GTF2H4: variants seen among roughly 807,000 people sequenced by gnomAD.
GTF2H4 encodes BTF2 p52.
Under a neutral mutation model 62.2 loss-of-function variants are expected in GTF2H4, and 49 were observed. The ratio of observed to expected loss-of-function variants is 0.79; its 90% CI spans 0.63 to 1.00. The LOEUF is 1.00. Among genes scored for constraint, GTF2H4 ranks in the 50% least tolerant of loss-of-function variants. The probability of loss-of-function intolerance (pLI) is 0.00; values close to 1 mark genes in which losing one functional copy is unlikely to be tolerated. For missense variants in GTF2H4, 479 were observed against 587.8 expected (o/e 0.81, Z 1.91); for synonymous variants, 189 against 233.8 (o/e 0.81, Z 1.75).
Position 30,910,684 on chromosome 6 carries a change from G to A in GTF2H4, c.394G>A (p.Asp132Asn). ...CCGTAGGGGGAAGGCCTGGTCTGAT[G>A]ACACAAGTCAGCTGGGACCAGACAA... ...LLGGGKAWSD[D>N]TSQLGPDKHA... Residue 132 changes from aspartate (D) to asparagine (N), a missense_variant, in exon 5 of 14, where the codon GAC becomes AAC. By Grantham distance (23) the Asp-to-Asn change is conservative (BLOSUM62 1). Transcript: ENST00000259895. The surrounding 1 kb of genome is among the most constrained non-coding windows in gnomAD (Gnocchi z 4.7). 6.2e-7 allele frequency: 1 copy of A among 1,612,946 alleles called. No homozygotes were observed. Among genetic ancestry groups the A allele is most frequent in the South Asian group, 1.1e-5 (1 of 91,082 alleles).
rs775143911 is a variant in GTF2H4 at position 30,912,428 on chromosome 6, G to A, written c.1059G>A (p.Gln353=). ...AGGTGACCCGGGAGAGTGTGCAGCA[G>A]GCAATCGCCAGTGGCATCACAGCCC... ...VAQVTRESVQ[Q]AIASGITAQQ... is the part of the protein sequence containing the mutation. Residue 353 remains glutamine (Q), a synonymous_variant, in exon 11 of 14, where the codon CAG becomes CAA. Transcript: ENST00000259895. This position sits in a 1 kb window ranked among gnomAD's most constrained non-coding sequence, Gnocchi z 4.8. 1.9e-6 allele frequency: 3 copies of A among 1,612,856 alleles called. No homozygotes were observed. In the South Asian group the frequency reaches 3.3e-5, roughly 18 times the overall value.
At position 30,910,737 on chromosome 6, in the gene GTF2H4, C is replaced by G. The variant is rs1793727450; in HGVS notation, c.447C>G (p.Asp149Glu). The G allele has an allele frequency of 1.9e-6, 3 of 1,612,752 alleles. No individual in the cohort carries two copies. The highest frequency in any genetic ancestry group is 2.7e-5 in the African/African-American group (2 of 74,906). Residue 149 changes from aspartate to glutamate, a missense_variant, in exon 5 of 14, where the codon GAC becomes GAG. By Grantham distance (45) the Asp-to-Glu change is conservative. Coordinates refer to ENST00000259895, the MANE Select transcript of GTF2H4 (RefSeq NM_001517.5). The surrounding 1 kb of genome is among the most constrained non-coding windows in gnomAD (Gnocchi z 4.7). ...DKHARDVPSL[D>E]KYAEERWEVV... ...ATGCCCGGGACGTTCCCTCCCTTGA[C>G]AAGTACGCCGAGGAGCGATGGGAGG...
Position 30,913,721 on chromosome 6 carries a change from C to T in GTF2H4, c.1217-90C>T, listed in dbSNP as rs915277614. On this transcript the variant is annotated intron_variant, in intron 13 of 13. Coordinates refer to ENST00000259895, the MANE Select transcript of GTF2H4 (RefSeq NM_001517.5). This position sits in a 1 kb window ranked among gnomAD's most constrained non-coding sequence, Gnocchi z 4.2. The stretch of plus-strand genomic sequence containing the variant: ...CAAGCCCAGACCGCGTCCAGGGCTG[C>T]CACCAAGGAGCTGGGGGGATTCCCA... 7 of 1,279,892 alleles carry T rather than the reference C, an allele frequency of 5.5e-6. No homozygotes were observed. The highest frequency in any genetic ancestry group is 7.4e-6 in the Non-Finnish European group (7 of 945,590). The allele number at this position is 1,279,892 out of a possible 1,614,324, so 79.3% of individuals were successfully genotyped here.
Position 30,909,477 on chromosome 6 carries a change from C to T in GTF2H4, c.180C>T (p.Leu60=). 1 of 1,612,918 alleles carries T rather than the reference C, an allele frequency of 6.2e-7. No individual in the cohort carries two copies. Among genetic ancestry groups the T allele is most frequent in the Non-Finnish European group, 8.5e-7 (1 of 1,179,898 alleles). ...SLAKNWVMRM[L]FLEQPLPQAA... ...CTAAGAACTGGGTGATGCGGATGCT[C>T]TTTCTGGAGCAGCCTTTGCCACAGG... is the stretch of plus-strand genomic sequence containing the variant. Residue 60 remains leucine (L), a synonymous_variant, in exon 3 of 14, where the codon CTC becomes CTT. Coordinates refer to ENST00000259895, the MANE Select transcript of GTF2H4 (RefSeq NM_001517.5). The surrounding 1 kb of genome is among the most constrained non-coding windows in gnomAD (Gnocchi z 4.3).
chr6:30,910,081 C>T lies in GTF2H4; in HGVS notation c.374+18C>T. 1 of 1,610,230 alleles carries T rather than the reference C, an allele frequency of 6.2e-7. No homozygotes were observed. The highest frequency in any genetic ancestry group is 8.5e-7 in the Non-Finnish European group (1 of 1,179,034). ...CTGGGTGGGTATGTCACTTCTCTCT[C>T]TTCCTAAGCTAGGGCAGGGGAACTG... On this transcript the variant is annotated intron_variant, in intron 4 of 13. Transcript: ENST00000259895. The surrounding 1 kb of genome is among the most constrained non-coding windows in gnomAD (Gnocchi z 4.7).
chr6:30,908,910 G>C (rs1793648996), intron 1 of GTF2H4, 124 bp from the exon 2 acceptor site: 2 of 1,085,318 alleles, frequency 1.8e-6, no homozygotes, highest in African/African-American at 1.5e-5. Flanking sequence ...AGTGACATGG[G>C]AAAGGAGACC....
Position 30,909,994 on chromosome 6 carries a change from C to G in GTF2H4, c.305C>G (p.Pro102Arg), listed in dbSNP as rs753594427. 1.7e-5 allele frequency: 27 copies of G among 1,612,882 alleles called. No individual in the cohort carries two copies. The South Asian group carries it at 2.7e-4, about 16-fold the overall frequency. Residue 102 changes from proline (P) to arginine (R), a missense_variant, in exon 4 of 14, where the codon CCA becomes CGA. By Grantham distance (103) the Pro-to-Arg change is moderately radical. Coordinates refer to ENST00000259895, the MANE Select transcript of GTF2H4 (RefSeq NM_001517.5). This position sits in a 1 kb window ranked among gnomAD's most constrained non-coding sequence, Gnocchi z 4.3. ...CGGATCTGGCACACACAGCTGCTCC[C>G]AGGCGGGCTCCAGGGCCTCATCCTC... ...GLRIWHTQLLPGGLQGLILNP... is the reference protein window; with the variant it reads ...GLRIWHTQLLRGGLQGLILNP...
In GTF2H4 at chr6:30,910,267, G is replaced by T. The variant is rs1259590096; in HGVS notation, c.374+204G>T. Among the ~76,000 whole-genome samples, 1 of 152,078 alleles carries T rather than the reference G, an allele frequency of 6.6e-6. No individual in the cohort carries two copies. The highest frequency in any genetic ancestry group is 2.4e-5 in the African/African-American group (1 of 41,400). Reference sequence around the variant, plus strand: ...CCCACTCATGGCCCCTGAGGATAAGGGTGGAAAGATGGCAGAGGGCAGCAA... The same window carrying T: ...CCCACTCATGGCCCCTGAGGATAAGTGTGGAAAGATGGCAGAGGGCAGCAA... On this transcript the variant is annotated intron_variant, in intron 4 of 13. Transcript: ENST00000259895. This position sits in a 1 kb window ranked among gnomAD's most constrained non-coding sequence, Gnocchi z 4.7.
At position 30,911,059 on chromosome 6, in the gene GTF2H4, G is replaced by C. The variant is rs1793742086; in HGVS notation, c.561-99G>C. 7.6e-7 allele frequency: 1 copy of C among 1,320,848 alleles called. No individual in the cohort carries two copies. The highest frequency in any genetic ancestry group is 1.2e-5 in the South Asian group (1 of 83,378). 81.8% of individuals were successfully genotyped at this position (1,320,848 alleles called of 1,614,324 possible). Reference sequence around the variant, plus strand: ...TTAGCTGGAAAAGGCAAGCTGAGTAGAATATAGCCAGAGATACCAAGAAAA... The same window carrying C: ...TTAGCTGGAAAAGGCAAGCTGAGTACAATATAGCCAGAGATACCAAGAAAA... On this transcript the variant is annotated intron_variant, in intron 6 of 13. Transcript: ENST00000259895. The surrounding 1 kb of genome is among the most constrained non-coding windows in gnomAD (Gnocchi z 4.3).
In GTF2H4 at chr6:30,913,794, C is replaced by A; in HGVS notation, c.1217-17C>A. ...TCTCGTCTTCTCCCCGCGCCCCTCCCGTCCTGCCGACCCCAGGTGTCCTGT... is the reference window on the plus strand; with the variant it reads ...TCTCGTCTTCTCCCCGCGCCCCTCCAGTCCTGCCGACCCCAGGTGTCCTGT... On this transcript the variant is annotated splice_polypyrimidine_tract_variant and intron_variant, in intron 13 of 13. Transcript: ENST00000259895. This position sits in a 1 kb window ranked among gnomAD's most constrained non-coding sequence, Gnocchi z 4.2. 3.3e-6 allele frequency: 5 copies of A among 1,536,602 alleles called. No homozygotes were observed. Among genetic ancestry groups the A allele is most frequent in the Non-Finnish European group, 4.4e-6 (5 of 1,138,658 alleles).
rs1259430388 is a variant in GTF2H4, at chr6:30,909,461, G to A, written c.164G>A (p.Trp55Ter). The change falls in exon 3 of 14, where the codon TGG (tryptophan) becomes TAG (stop). Residue 55 changes from tryptophan to a stop codon, truncating the protein, a stop_gained. Coordinates refer to ENST00000259895, the MANE Select transcript of GTF2H4 (RefSeq NM_001517.5). LOFTEE classifies it high-confidence loss of function. This position sits in a 1 kb window ranked among gnomAD's most constrained non-coding sequence, Gnocchi z 4.3. The part of the protein sequence containing the change: ...FRELPSLAKN[W>*]VMRMLFLEQP... ...GAGCTCCCATCCTTGGCTAAGAACTGGGTGATGCGGATGCTCTTTCTGGAG... is the reference window on the plus strand; with the variant it reads ...GAGCTCCCATCCTTGGCTAAGAACTAGGTGATGCGGATGCTCTTTCTGGAG... 1.9e-6 allele frequency: 3 copies of A among 1,612,582 alleles called. No individual in the cohort carries two copies. Among genetic ancestry groups the A allele is most frequent in the East Asian group, 2.2e-5 (1 of 44,900 alleles).
chr6:30,911,897 G>C lies in GTF2H4; in HGVS notation c.826-117G>C. 1.4e-6 allele frequency: 2 copies of C among 1,420,044 alleles called. No individual in the cohort carries two copies. Among genetic ancestry groups the C allele is most frequent in the Non-Finnish European group, 2.0e-6 (2 of 1,021,646 alleles). The allele number at this position is 1,420,044 out of a possible 1,614,324, so 88.0% of individuals were successfully genotyped here. A position where few individuals can be genotyped will look rare whatever the true frequency, so the allele number is the denominator to read the frequency against. ...CCAGAACTGAATACTTGGGTCTCTCGGGGGAGAGAAGTTGGGGGTTGAGGT... is the reference window on the plus strand; with the variant it reads ...CCAGAACTGAATACTTGGGTCTCTCCGGGGAGAGAAGTTGGGGGTTGAGGT... On this transcript the variant is annotated intron_variant, in intron 9 of 13. Transcript: ENST00000259895. The surrounding 1 kb of genome is among the most constrained non-coding windows in gnomAD (Gnocchi z 4.3).
At position 30,909,155 on chromosome 6, in the gene GTF2H4, CAT is replaced by C. The variant is rs750572930; in HGVS notation, c.120_121del (p.Cys41SerfsTer12). 74 of 1,613,602 alleles carry C rather than the reference CAT, an allele frequency of 4.6e-5. No individual in the cohort carries two copies. Among genetic ancestry groups the C allele is most frequent in the Non-Finnish European group, 2.8e-5 (33 of 1,179,780 alleles). On this transcript the variant is annotated frameshift_variant, in exon 2 of 14. Transcript: ENST00000259895. LOFTEE classifies it high-confidence loss of function. The surrounding 1 kb of genome is among the most constrained non-coding windows in gnomAD (Gnocchi z 4.3). ...GACCGATTGTATGGGCACCCTGCCA[CAT>C]GTCTGGCTGTCTTCAGGTGAGAAGC...
Position 30,911,915 on chromosome 6 carries a change from G to A in GTF2H4, c.826-99G>A, listed in dbSNP as rs936379730. 6.7e-7 allele frequency: 1 copy of A among 1,493,466 alleles called. No homozygotes were observed. The highest frequency in any genetic ancestry group is 9.2e-7 in the Non-Finnish European group (1 of 1,088,496). The allele number at this position is 1,493,466 out of a possible 1,614,324, so 92.5% of individuals were successfully genotyped here. ...GTCTCTCGGGGGAGAGAAGTTGGGGGTTGAGGTTCTGCATCTTGGGAGGGA... is the reference window on the plus strand; with the variant it reads ...GTCTCTCGGGGGAGAGAAGTTGGGGATTGAGGTTCTGCATCTTGGGAGGGA... On this transcript the variant is annotated intron_variant, in intron 9 of 13. Transcript: ENST00000259895. This position sits in a 1 kb window ranked among gnomAD's most constrained non-coding sequence, Gnocchi z 4.3.
rs754532075 is a variant in GTF2H4 at position 30,913,327 on chromosome 6, A to C, written c.1156A>C (p.Thr386Pro). The change falls in exon 13 of 14, where the codon ACC becomes CCC. Residue 386 changes from threonine (T) to proline (P), a missense_variant. By Grantham distance (38) the Thr-to-Pro change is conservative. Coordinates refer to ENST00000259895, the MANE Select transcript of GTF2H4 (RefSeq NM_001517.5). This position sits in a 1 kb window ranked among gnomAD's most constrained non-coding sequence, Gnocchi z 4.2. ...CTTGCAGACACCTGTGCTGCCCCCC[A>C]CCATCACCGACCAGATCCGGCTCTG... ...MLKQTPVLPPTITDQIRLWEL... is the reference protein window; with the variant it reads ...MLKQTPVLPPPITDQIRLWEL... 42 of 1,613,326 alleles carry C rather than the reference A, an allele frequency of 2.6e-5. No individual in the cohort carries two copies. The highest frequency in any genetic ancestry group is 3.5e-5 in the Non-Finnish European group (41 of 1,180,010).
chr6:30,912,422 G>A lies in GTF2H4; in HGVS notation c.1053G>A (p.Val351=), dbSNP rs1309620809. The A allele has an allele frequency of 2.3e-5, 37 of 1,612,786 alleles. No individual in the cohort carries two copies. In the Admixed American group the frequency reaches 6.2e-4, roughly 27 times the overall value. ...MVVAQVTRES[V]QQAIASGITA... ...TGGCGCAGGTGACCCGGGAGAGTGT[G>A]CAGCAGGCAATCGCCAGTGGCATCA... The change falls in exon 11 of 14, where the codon GTG becomes GTA. Residue 351 remains valine (V), a synonymous_variant. Transcript: ENST00000259895. This position sits in a 1 kb window ranked among gnomAD's most constrained non-coding sequence, Gnocchi z 4.8.
chr6:30,911,850 GGGCAGTAGCAGGAA>G lies in GTF2H4; in HGVS notation c.825+85_825+98del. 7.0e-7 allele frequency: 1 copy of G among 1,432,560 alleles called. No homozygotes were observed. The highest frequency in any genetic ancestry group is 9.8e-7 in the Non-Finnish European group (1 of 1,020,572). The allele number at this position is 1,432,560 out of a possible 1,614,324, so 88.7% of individuals were successfully genotyped here. ...GCCTTTAAAAAGGAGTGGGGTCTTG[GGGCAGTAGCAGGAA>G]GCAGTTGCCAGAACTGAATACTTGG... On this transcript the variant is annotated intron_variant, in intron 9 of 13. Transcript: ENST00000259895. This position sits in a 1 kb window ranked among gnomAD's most constrained non-coding sequence, Gnocchi z 4.3.
chr6:30,911,120 C>T lies in GTF2H4; in HGVS notation c.561-38C>T, dbSNP rs765445291. The T allele has an allele frequency of 1.3e-6, 2 of 1,495,494 alleles. No individual in the cohort carries two copies. Among genetic ancestry groups the T allele is most frequent in the East Asian group, 4.5e-5 (2 of 44,334 alleles). The allele number at this position is 1,495,494 out of a possible 1,614,324, so 92.6% of individuals were successfully genotyped here. A position where few individuals can be genotyped will look rare whatever the true frequency, so the allele number is the denominator to read the frequency against. ...GACAAGTGGGGATAGTAGTCTTTCT[C>T]TGCATATCACCATCATTGTCCTGGT... On this transcript the variant is annotated intron_variant, in intron 6 of 13. Coordinates refer to ENST00000259895, the MANE Select transcript of GTF2H4 (RefSeq NM_001517.5). This position sits in a 1 kb window ranked among gnomAD's most constrained non-coding sequence, Gnocchi z 4.3.
chr6:30,911,939 G>A lies in GTF2H4; in HGVS notation c.826-75G>A. 1.9e-6 allele frequency: 3 copies of A among 1,558,326 alleles called. No individual in the cohort carries two copies. The highest frequency in any genetic ancestry group is 1.4e-5 in the African/African-American group (1 of 73,800). ...GGTTGAGGTTCTGCATCTTGGGAGG[G>A]ATCTGATATTTCAGGCAGGAAGATG... On this transcript the variant is annotated intron_variant, in intron 9 of 13. Transcript: ENST00000259895. The surrounding 1 kb of genome is among the most constrained non-coding windows in gnomAD (Gnocchi z 4.3).
Sources: allele counts gnomAD v4.1 joint callset (sites outside exome capture counted in the v4.1 genomes callset), GRCh38; gene constraint gnomAD v4.1.1; non-coding constraint Gnocchi (gnomAD v3.1); transcripts MANE v1.5; gene names NCBI Gene and HGNC (gene_info 2026-07-23, HGNC 2026-07-21).